DCAF13: variants seen among roughly 807,000 people sequenced by gnomAD.
DCAF13 encodes the protein DDB1 and CUL4 associated factor 13.
In DCAF13, 38 loss-of-function variants were observed where a neutral mutation model predicts 59.0. The observed-to-expected ratio is 0.64, with a 90% CI of 0.50 to 0.84. DCAF13 has a LOEUF of 0.84. DCAF13 is among the 40% of genes least tolerant of loss of function. The pLI, the probability that DCAF13 is intolerant of heterozygous loss-of-function variation, is 0.00. For synonymous variants in DCAF13, 173 were observed against 175.0 expected, an observed-to-expected ratio of 0.99 and a Z score of 0.09; for missense variants, 469 against 558.4, an observed-to-expected ratio of 0.84 and a Z score of 1.61.
intron 5 of DCAF13, chr8:103,428,406 A>G (rs1816821366): frequency 6.6e-6 from 1 of 152,254 alleles, no homozygotes; most frequent in African/African-American, 2.4e-5. Flanking sequence ...CTTTCGTGCT[A>G]TGATGGCAGA....
chr8:103,441,447 A>G lies in DCAF13; in HGVS notation c.1087-8A>G, dbSNP rs184846509. On this transcript the variant is annotated splice_polypyrimidine_tract_variant and splice_region_variant and intron_variant, in intron 9 of 10. Coordinates refer to ENST00000612750, the MANE Select transcript of DCAF13 (RefSeq NM_015420.7). ...TATTCATTAAGATACCAAAATGTGT[A>G]TTTTCAGCTTACATCACGAGAAAAA... The G allele has an allele frequency of 5.1e-4, 799 of 1,580,068 alleles. 1 individual carries two copies. Among genetic ancestry groups the G allele is most frequent in the Non-Finnish European group, 6.5e-4 (765 of 1,170,244 alleles).
intron 1 of DCAF13, among the ~76,000 whole-genome samples, chr8:103,420,005 C>T (rs1177676173): frequency 3.0e-5 from 4 of 132,698 alleles, no homozygotes; most frequent in Admixed American, 7.9e-5. Context: ...AAGACTCCGT[C>T]TCAAAAAAAA....
intron 9 of DCAF13, 63 bp from the exon 10 acceptor site, chr8:103,441,392 G>C (rs951125818): frequency 6.8e-7 from 1 of 1,474,034 alleles, no homozygotes; most frequent in Non-Finnish European, 9.1e-7. Context: ...GTGCTTTCTA[G>C]CTTTTTTATA....
chr8:103,442,959 A>G lies in DCAF13; in HGVS notation c.*77A>G. 5 of 1,021,310 alleles carry G rather than the reference A, an allele frequency of 4.9e-6. No individual in the cohort carries two copies. Among genetic ancestry groups the G allele is most frequent in the Non-Finnish European group, 7.2e-6 (5 of 696,812 alleles). The allele number at this position is 1,021,310 out of a possible 1,614,324, so 63.3% of individuals were successfully genotyped here. On this transcript the variant is annotated 3_prime_UTR_variant, in exon 11 of 11. Coordinates refer to ENST00000612750, the MANE Select transcript of DCAF13 (RefSeq NM_015420.7). ...GAACTCTACAAATAAAAGTGCTGGG[A>G]CTAGATTAATTGCAAACATTTTAGT...
At chr8:103,422,549 T>C (rs1161530687) in intron 3 of DCAF13, among the ~76,000 whole-genome samples, 1 of 152,158 alleles carries the variant, frequency 6.6e-6, no homozygotes, top group African/African-American at 2.4e-5. Flanking sequence ...TGTGAACTAC[T>C]ACAAAGAATA....
At chr8:103,419,870 G>A (rs752280024) in intron 1 of DCAF13, among the ~76,000 whole-genome samples, 17 of 152,020 alleles carry the variant, frequency 1.1e-4, no homozygotes, top group African/African-American at 4.8e-5. Flanking sequence ...TTAGCTGGGC[G>A]TGGTGGCATG....
intron 5 of DCAF13, chr8:103,428,883 A>G (rs557544178): frequency 6.6e-6 from 1 of 151,644 alleles, no homozygotes; most frequent in South Asian, 2.1e-4. Context: ...ACTTGCCTGT[A>G]TAGCAGCTGT....
In DCAF13 at chr8:103,425,910, G is replaced by T. The variant is rs144301160; in HGVS notation, c.379-146G>T. 8.1e-4 allele frequency: 464 copies of T among 570,540 alleles called. 5 individuals are homozygous for T. The highest frequency in any genetic ancestry group is 7.5e-3 in the African/African-American group (386 of 51,732). 35.3% of individuals were successfully genotyped at this position (570,540 alleles called of 1,614,324 possible). Reference sequence around the variant, plus strand: ...CACAAATCTTTACTAAAACAAGGTGGGATATAAATGGATCAATAAGTGTAA... The same window carrying T: ...CACAAATCTTTACTAAAACAAGGTGTGATATAAATGGATCAATAAGTGTAA... On this transcript the variant is annotated intron_variant, in intron 3 of 10. Coordinates refer to ENST00000612750, the MANE Select transcript of DCAF13 (RefSeq NM_015420.7).
intron 2 of DCAF13, 143 bp downstream of exon 2, chr8:103,420,606 A>G (rs1816709859): frequency 6.3e-6 from 5 of 797,160 alleles, no homozygotes; most frequent in East Asian, 5.4e-5. Flanking sequence ...AATACTGTTT[A>G]GTATTTTCTT....
At chr8:103,426,261 T>C (rs914381430) in intron 4 of DCAF13, 116 bp downstream of exon 4, 2 of 608,392 alleles carry the variant, frequency 3.3e-6, no homozygotes, top group Admixed American at 3.3e-5. Context: ...CGAAAGACTT[T>C]AGGCTGTAAT....
intron 7 of DCAF13, among the ~76,000 whole-genome samples, chr8:103,434,495 G>A (rs1816907821): frequency 6.6e-6 from 1 of 152,104 alleles, no homozygotes; most frequent in Non-Finnish European, 1.5e-5. Context: ...CTGTAAAGCA[G>A]TTGTCAATGT....
intron 5 of DCAF13, 25 bp from the exon 6 acceptor site, chr8:103,430,587 T>G (rs1047859209): frequency 6.4e-7 from 1 of 1,573,922 alleles, no homozygotes; most frequent in Non-Finnish European, 8.7e-7. Flanking sequence ...GGCTTTGAAC[T>G]GGTGATTGTT....
rs1351521626 is a variant in DCAF13 at position 103,426,978 on chromosome 8, TTTC to T, written c.469-116_469-114del. ...CCTTTAAGTAAGGACTTCAAAGAAG[TTTC>T]TTTGTGAACAGGGCTTTTCTCTAAA... On this transcript the variant is annotated intron_variant, in intron 4 of 10. Transcript: ENST00000612750. The T allele has an allele frequency of 1.4e-5, 10 of 739,086 alleles. 1 individual carries two copies. 45.8% of individuals were successfully genotyped at this position (739,086 alleles called of 1,614,324 possible). A position where few individuals can be genotyped will look rare whatever the true frequency, so the allele number is the denominator to read the frequency against.
intron 8 of DCAF13, among the ~76,000 whole-genome samples, chr8:103,438,477 G>A (rs916268805): frequency 1.3e-5 from 2 of 149,618 alleles, no homozygotes; most frequent in Admixed American, 6.7e-5. Context: ...CTAGAGTGCA[G>A]TGATGCCACA....
At position 103,442,791 on chromosome 8, in the gene DCAF13, C is replaced by T; in HGVS notation, c.1251-4C>T. 1 of 1,562,002 alleles carries T rather than the reference C, an allele frequency of 6.4e-7. No individual in the cohort carries two copies. The highest frequency in any genetic ancestry group is 8.6e-7 in the Non-Finnish European group (1 of 1,157,008). On this transcript the variant is annotated splice_region_variant and splice_polypyrimidine_tract_variant and intron_variant, in intron 10 of 10. Coordinates refer to ENST00000612750, the MANE Select transcript of DCAF13 (RefSeq NM_015420.7). ...TGCTTATATTTTGTATATTTTATTT[C>T]TAGGGAAGTGAATCGTATTAAACAC...
chr8:103,417,664 C>T (rs1175510913), intron 1 of DCAF13, among the ~76,000 whole-genome samples: 1 of 143,554 alleles, frequency 7.0e-6, no homozygotes, highest in Non-Finnish European at 1.5e-5. Context: ...AAAAAAAGAA[C>T]ATCTTTAATT....
intron 1 of DCAF13, among the ~76,000 whole-genome samples, chr8:103,417,363 T>A (rs188267905): frequency 9.9e-4 from 150 of 152,122 alleles, no homozygotes; most frequent in Admixed American, 2.6e-3. Context: ...GATCTTTGGC[T>A]GGGCGTGGTG....
intron 8 of DCAF13, among the ~76,000 whole-genome samples, chr8:103,438,620 G>A (rs1030862433): frequency 6.6e-6 from 1 of 151,914 alleles, no homozygotes; most frequent in African/African-American, 2.4e-5. Flanking sequence ...ACTCAGGCTG[G>A]TCTCAAACTC....
At chr8:103,426,220 C>T in intron 4 of DCAF13, 75 bp downstream of exon 4, 1 of 872,894 alleles carries the variant, frequency 1.1e-6, no homozygotes, top group Non-Finnish European at 1.7e-6. Context: ...TTATAATTTC[C>T]TAAGATGGGG....
Sources: allele counts gnomAD v4.1 joint callset (sites outside exome capture counted in the v4.1 genomes callset), GRCh38; gene constraint gnomAD v4.1.1; transcripts MANE v1.5; gene names NCBI Gene and HGNC (gene_info 2026-07-23, HGNC 2026-07-21).